KCNH5: variants seen among roughly 807,000 people sequenced by gnomAD.
KCNH5 encodes the protein potassium voltage-gated channel subfamily H member 5.
KCNH5 carries 46 observed loss-of-function variants against 96.1 expected under a neutral mutation model. The observed-to-expected ratio is 0.48, with a 90% CI of 0.38 to 0.61. KCNH5 has a LOEUF of 0.61. Among genes scored for constraint, KCNH5 ranks in the 20% least tolerant of loss-of-function variants. KCNH5 has a pLI of 0.00. For synonymous variants in KCNH5, 439 were observed against 449.8 expected (o/e 0.98, Z 0.30); for missense variants, 907 against 1,225.8 (o/e 0.74, Z 3.88).
chr14:62,930,730 GC>G (rs1487225596), intron 7 of KCNH5, among the ~76,000 whole-genome samples: 1 of 152,056 alleles, frequency 6.6e-6, no homozygotes, highest in Non-Finnish European at 1.5e-5. Flanking sequence ...CAGGAATTCA[GC>G]CCTCATTTTT....
chr14:62,915,353 A>G (rs1399082228), intron 7 of KCNH5, among the ~76,000 whole-genome samples: 1 of 152,256 alleles, frequency 6.6e-6, no homozygotes, highest in East Asian at 1.9e-4. Flanking sequence ...TTCCAAAACT[A>G]CTGTCATTTT....
At chr14:62,718,221 T>C (rs1024332514) in intron 10 of KCNH5, among the ~76,000 whole-genome samples, 1 of 152,054 alleles carries the variant, frequency 6.6e-6, no homozygotes, top group African/African-American at 2.4e-5. Context: ...ATGGGTTCAA[T>C]AGAAGCCCCA....
At position 62,708,099 on chromosome 14, in the gene KCNH5, T is replaced by G; in HGVS notation, c.2376A>C (p.Gln792His). Reference protein sequence around the residue: ...MELKPNGGADQKCLKVNSPIR... With the variant: ...MELKPNGGADHKCLKVNSPIR... The stretch of plus-strand genomic sequence containing the variant: ...TTGGGCTGTTGACTTTGAGACATTT[T>G]TGGTCAGCACCGCCGTTGGGCTTGA... The change falls in exon 11 of 11, where the codon CAA (glutamine) becomes CAC (histidine). Residue 792 changes from glutamine (Q) to histidine (H), a missense_variant. This residue lies in a region of KCNH5 where 362 missense variants were observed against 394.4 expected (regional missense o/e 0.92). Coordinates refer to ENST00000322893, the MANE Select transcript of KCNH5 (RefSeq NM_139318.5). 1 of 1,614,242 alleles carries G rather than the reference T, an allele frequency of 6.2e-7. No individual in the cohort carries two copies. The highest frequency in any genetic ancestry group is 1.3e-5 in the African/African-American group (1 of 75,064).
At chr14:62,840,457 G>C (rs555389290) in intron 8 of KCNH5, among the ~76,000 whole-genome samples, 1 of 152,026 alleles carries the variant, frequency 6.6e-6, no homozygotes, top group African/African-American at 2.4e-5. Flanking sequence ...AGGGGACATG[G>C]AGCAGCACCC....
chr14:62,834,285 C>T (rs951379869), intron 8 of KCNH5, among the ~76,000 whole-genome samples: 15 of 152,066 alleles, frequency 9.9e-5, no homozygotes, highest in African/African-American at 3.6e-4. Flanking sequence ...ACTACCTATT[C>T]ATGGCCTTAT....
intron 6 of KCNH5, among the ~76,000 whole-genome samples, chr14:62,969,757 AT>A (rs779644836): frequency 0.043 from 4,916 of 113,892 alleles, 139 homozygotes; most frequent in African/African-American, 0.15. Flanking sequence ...AATAAAATTA[AT>A]TTTTTTTTTT....
At chr14:62,838,555 T>C (rs773308429) in intron 8 of KCNH5, among the ~76,000 whole-genome samples, 1 of 152,106 alleles carries the variant, frequency 6.6e-6, no homozygotes, top group Non-Finnish European at 1.5e-5. Context: ...GGGTGCGTAG[T>C]ATGAAGATGA....
chr14:62,758,345 T>C (rs1224183215), intron 10 of KCNH5, among the ~76,000 whole-genome samples: 1 of 152,120 alleles, frequency 6.6e-6, no homozygotes, highest in Non-Finnish European at 1.5e-5. Context: ...ATTGTATGCC[T>C]GTACCAAAAT....
chr14:62,818,946 A>G (rs1330013267), intron 8 of KCNH5, among the ~76,000 whole-genome samples: 2 of 152,138 alleles, frequency 1.3e-5, no homozygotes, highest in Admixed American at 6.6e-5. Flanking sequence ...ATACAAAAGA[A>G]TATTCTTTAT....
At chr14:62,777,327 A>G (rs536649337) in intron 10 of KCNH5, among the ~76,000 whole-genome samples, 134 of 152,330 alleles carry the variant, frequency 8.8e-4, no homozygotes, top group African/African-American at 3.1e-3. Context: ...GTTATTAGGG[A>G]ACTAGCTGTT....
At chr14:62,950,584 T>C in intron 6 of KCNH5, 25 bp from the exon 7 acceptor site, 1 of 1,269,912 alleles carries the variant, frequency 7.9e-7, no homozygotes, top group Non-Finnish European at 1.1e-6. Flanking sequence ...AAAAAAAAAA[T>C]TACACCACAT....
Position 62,741,109 on chromosome 14 carries a change from T to C in KCNH5, c.2020-32654A>G, listed in dbSNP as rs113603942. Among the ~76,000 whole-genome samples, 557 of 152,268 alleles carry C rather than the reference T, an allele frequency of 3.7e-3. 2 individuals carry two copies. Among genetic ancestry groups the C allele is most frequent in the African/African-American group, 0.013 (545 of 41,566 alleles). ...TACAATTTCAAACTATAATGACTGCTATGTAAAGAAGACTCATAATGGAGT... is the reference window on the plus strand; with the variant it reads ...TACAATTTCAAACTATAATGACTGCCATGTAAAGAAGACTCATAATGGAGT... On this transcript the variant is annotated intron_variant, in intron 10 of 10. Coordinates refer to ENST00000322893, the MANE Select transcript of KCNH5 (RefSeq NM_139318.5).
In KCNH5 at chr14:62,700,615, G is replaced by C. The variant is rs779461083; in HGVS notation, c.*6893C>G. On this transcript the variant is annotated 3_prime_UTR_variant, in exon 11 of 11. Coordinates refer to ENST00000322893, the MANE Select transcript of KCNH5 (RefSeq NM_139318.5). Reference sequence around the variant, plus strand: ...AGTGCGTTTGGATTTTGTGTAAGTTGACAGTTCATGGCTGTGACATAATAT... The same window carrying C: ...AGTGCGTTTGGATTTTGTGTAAGTTCACAGTTCATGGCTGTGACATAATAT... The C allele has an allele frequency of 6.6e-6, 1 of 152,208 alleles. No individual in the cohort carries two copies. The highest frequency in any genetic ancestry group is 1.5e-5 in the Non-Finnish European group (1 of 68,028). 9.4% of individuals were successfully genotyped at this position (152,208 alleles called of 1,614,324 possible). A position where few individuals can be genotyped will look rare whatever the true frequency, so the allele number is the denominator to read the frequency against.
At chr14:62,849,095 G>C (rs115813945) in intron 8 of KCNH5, among the ~76,000 whole-genome samples, 2,178 of 152,286 alleles carry the variant, frequency 0.014, 49 homozygotes, top group African/African-American at 0.05. Flanking sequence ...GAAGAGATTA[G>C]AGATACCAGA....
chr14:62,841,423 G>T (rs1887582785), intron 8 of KCNH5, among the ~76,000 whole-genome samples: 2 of 152,008 alleles, frequency 1.3e-5, no homozygotes, highest in South Asian at 4.1e-4. Context: ...ATAATAGGTT[G>T]GATACAAACA....
chr14:62,997,399 C>G (rs1395747553), intron 4 of KCNH5, among the ~76,000 whole-genome samples: 7 of 152,142 alleles, frequency 4.6e-5, no homozygotes, highest in Admixed American at 2.6e-4. Flanking sequence ...TCAAACTTTA[C>G]TGAGAGTTTT....
intron 1 of KCNH5, among the ~76,000 whole-genome samples, chr14:63,017,174 T>A (rs1269228201): frequency 6.6e-6 from 1 of 152,044 alleles, no homozygotes; most frequent in Non-Finnish European, 1.5e-5. Context: ...AAAATTCCAT[T>A]TAAACGAAAC....
intron 8 of KCNH5, among the ~76,000 whole-genome samples, chr14:62,825,417 G>T (rs548978549): frequency 1.3e-4 from 19 of 149,506 alleles, no homozygotes; most frequent in South Asian, 4.2e-4. Context: ...ATTTTTTTTT[G>T]ACCACTTGTA....
intron 7 of KCNH5, among the ~76,000 whole-genome samples, chr14:62,948,962 T>G (rs1162589812): frequency 1.3e-5 from 2 of 149,704 alleles, no homozygotes; most frequent in Non-Finnish European, 3.0e-5. Context: ...TTCAACAACC[T>G]TTCATGCTAA....
Sources: allele counts gnomAD v4.1 joint callset (sites outside exome capture counted in the v4.1 genomes callset), GRCh38; gene constraint gnomAD v4.1.1; regional missense constraint gnomAD v4.1.1; transcripts MANE v1.5; gene names NCBI Gene and HGNC (gene_info 2026-07-23, HGNC 2026-07-21).